Variants in CNTN4 observed in about 807,000 individuals in gnomAD.
The protein encoded by CNTN4 is contactin 4, also known as contactin-4.
A neutral mutation model predicts 122.5 loss-of-function variants in CNTN4; 77 were observed. That is an observed-to-expected ratio of 0.63 (90% CI 0.52 to 0.76). CNTN4 has a LOEUF of 0.76. Ranked by LOEUF, CNTN4 falls within the 30% of genes least tolerant of loss-of-function variation. The pLI is 0.00. For missense variants in CNTN4, 1,256 were observed against 1,259.1 expected (o/e 1.00, Z 0.04); for synonymous variants, 512 against 447.0 (o/e 1.15, Z -1.83).
chr3:2,690,246 T>C lies in CNTN4; in HGVS notation c.56-45969T>C, dbSNP rs147832085. The stretch of plus-strand genomic sequence containing the variant: ...AATTATATTCTCTGGGACAGGTAAT[T>C]AGAGGTAAAATTGCTCCCCTTTTGG... On this transcript the variant is annotated intron_variant, in intron 4 of 24. Transcript: ENST00000418658. Among the ~76,000 whole-genome samples, 6 of 152,254 alleles carry C rather than the reference T, an allele frequency of 3.9e-5. No homozygotes were observed. In the East Asian group the frequency reaches 1.2e-3, roughly 29 times the overall value.
intron 2 of CNTN4, among the ~76,000 whole-genome samples, chr3:2,323,076 C>G (rs554263284): frequency 2.0e-5 from 3 of 152,104 alleles, no homozygotes; most frequent in Admixed American, 6.6e-5. Flanking sequence ...ATTTTTCTTG[C>G]AAGAGCTCTC....
At chr3:2,774,277 C>CA (rs1348678053) in intron 6 of CNTN4, among the ~76,000 whole-genome samples, 3 of 151,532 alleles carry the variant, frequency 2.0e-5, no homozygotes, top group East Asian at 1.9e-4. Context: ...AAAACAAAAA[C>CA]AAAAAAAAGA....
chr3:2,768,629 T>C (rs553771664), intron 6 of CNTN4, among the ~76,000 whole-genome samples: 11 of 152,306 alleles, frequency 7.2e-5, no homozygotes, highest in African/African-American at 2.2e-4. Flanking sequence ...GGCAGGAACA[T>C]TTCCTCAGGA....
chr3:2,205,231 A>C (rs1226392588), intron 2 of CNTN4, among the ~76,000 whole-genome samples: 1 of 150,838 alleles, frequency 6.6e-6, no homozygotes, highest in African/African-American at 2.4e-5. Flanking sequence ...TTTAATAATA[A>C]AAAGTTTTTT....
chr3:2,597,435 A>G (rs2080821804), intron 4 of CNTN4, among the ~76,000 whole-genome samples: 1 of 152,204 alleles, frequency 6.6e-6, no homozygotes, highest in Non-Finnish European at 1.5e-5. Flanking sequence ...GCCTCAATGA[A>G]GGAGCCTTAA....
At chr3:2,121,213 C>A (rs911988132) in intron 2 of CNTN4, among the ~76,000 whole-genome samples, 3 of 151,908 alleles carry the variant, frequency 2.0e-5, no homozygotes, top group African/African-American at 7.3e-5. Context: ...GTGAATATAT[C>A]ATTTCAGGCA....
At chr3:2,795,189 A>T (rs760891769) in intron 6 of CNTN4, among the ~76,000 whole-genome samples, 3 of 152,210 alleles carry the variant, frequency 2.0e-5, no homozygotes, top group Non-Finnish European at 4.4e-5. Flanking sequence ...AACCCGAAAA[A>T]GTTACTGTTT....
intron 2 of CNTN4, among the ~76,000 whole-genome samples, chr3:2,250,273 A>G (rs1384723436): frequency 6.6e-6 from 1 of 152,006 alleles, no homozygotes; most frequent in Non-Finnish European, 1.5e-5. Flanking sequence ...CTTAAATGGC[A>G]TAACTAATTA....
chr3:3,049,144 A>T (rs1036087092), intron 23 of CNTN4, among the ~76,000 whole-genome samples: 1 of 152,116 alleles, frequency 6.6e-6, no homozygotes, highest in Admixed American at 6.6e-5. Context: ...GTGTAGTGGT[A>T]CAATCTTGGC....
chr3:2,942,123 G>T (rs1391791515), intron 13 of CNTN4, among the ~76,000 whole-genome samples: 2 of 152,100 alleles, frequency 1.3e-5, no homozygotes, highest in East Asian at 3.8e-4. Context: ...CACTAGCCCT[G>T]GAATACAACT....
chr3:2,662,285 A>C (rs1433121202), intron 4 of CNTN4, among the ~76,000 whole-genome samples: 1 of 152,180 alleles, frequency 6.6e-6, no homozygotes, highest in Non-Finnish European at 1.5e-5. Context: ...TCAGAGGCTT[A>C]ATTTACTAGA....
intron 4 of CNTN4, among the ~76,000 whole-genome samples, chr3:2,583,301 T>TTCTCA (rs1343825943): frequency 1.3e-5 from 2 of 152,218 alleles, no homozygotes; most frequent in African/African-American, 2.4e-5. Flanking sequence ...CAAAGTTGTC[T>TTCTCA]TCTCATCCCA....
intron 6 of CNTN4, among the ~76,000 whole-genome samples, chr3:2,814,987 G>A (rs1003650310): frequency 4.6e-5 from 7 of 152,128 alleles, no homozygotes; most frequent in African/African-American, 9.7e-5. Flanking sequence ...TGTATATTCC[G>A]TCTCATAATG....
intron 4 of CNTN4, among the ~76,000 whole-genome samples, chr3:2,725,236 C>A (rs542487970): frequency 1.3e-5 from 2 of 152,194 alleles, no homozygotes; most frequent in Admixed American, 1.3e-4. Context: ...CTGAAATTAC[C>A]CTTCTATGCC....
At chr3:2,405,430 A>G (rs997087214) in intron 3 of CNTN4, among the ~76,000 whole-genome samples, 1 of 152,206 alleles carries the variant, frequency 6.6e-6, no homozygotes, top group Non-Finnish European at 1.5e-5. Context: ...AAAGTTAGAA[A>G]GTCCTCAAAA....
At chr3:2,244,189 A>G (rs139024644) in intron 2 of CNTN4, among the ~76,000 whole-genome samples, 57 of 150,714 alleles carry the variant, frequency 3.8e-4, no homozygotes, top group African/African-American at 1.4e-3. Context: ...ATAAAATAGA[A>G]CAGTTATAAC....
At chr3:2,367,642 C>G (rs926298605) in intron 3 of CNTN4, among the ~76,000 whole-genome samples, 1 of 152,088 alleles carries the variant, frequency 6.6e-6, no homozygotes, top group Non-Finnish European at 1.5e-5. Context: ...TACCACCACA[C>G]CCGGCTAATT....
chr3:3,001,390 G>A (rs1326447217), intron 14 of CNTN4, among the ~76,000 whole-genome samples: 1 of 151,422 alleles, frequency 6.6e-6, no homozygotes, highest in Non-Finnish European at 1.5e-5. Flanking sequence ...TGGATAAGGA[G>A]TGAGTAAGAG....
intron 4 of CNTN4, among the ~76,000 whole-genome samples, chr3:2,635,080 G>A (rs769757675): frequency 1.3e-5 from 2 of 151,942 alleles, no homozygotes; most frequent in Non-Finnish European, 2.9e-5. Context: ...AGTTTTCATC[G>A]AATTTTTTTT....
Sources: gnomAD v4.1 joint callset for allele counts (sites outside exome capture counted in the v4.1 genomes callset) on GRCh38, gnomAD v4.1.1 for gene constraint, MANE v1.5 for transcripts, NCBI Gene and HGNC (gene_info 2026-07-23, HGNC 2026-07-21) for gene names.